Variants in DUSP5 observed in about 807,000 individuals in gnomAD.
DUSP5 encodes dual specificity protein phosphatase 5.
In DUSP5, 22 loss-of-function variants were observed where a neutral mutation model predicts 33.6. The ratio of observed to expected loss-of-function variants is 0.66; its 90% CI spans 0.47 to 0.94. The LOEUF (loss-of-function observed/expected upper bound fraction) is 0.94. DUSP5 is among the 40% of genes least tolerant of loss of function. DUSP5 has a pLI of 0.00. For missense variants in DUSP5, 551 were observed against 522.1 expected (o/e 1.06, Z -0.54); for synonymous variants, 270 against 231.1 (o/e 1.17, Z -1.53).
In DUSP5 at chr10:110,511,275, C is replaced by T. The variant is rs1860189535; in HGVS notation, c.*849C>T. 6.6e-6 allele frequency: 1 copy of T among 152,580 alleles called. No individual in the cohort carries two copies. Among genetic ancestry groups the T allele is most frequent in the Non-Finnish European group, 1.5e-5 (1 of 68,046 alleles). The allele number at this position is 152,580 out of a possible 1,614,324, so 9.5% of individuals were successfully genotyped here. ...GGTGCAAACTGGTTTCCTCAGCTGC[C>T]TGTCCTTCTGTGTGCTTATGTCTCT... On this transcript the variant is annotated 3_prime_UTR_variant, in exon 4 of 4. Coordinates refer to ENST00000369583, the MANE Select transcript of DUSP5 (RefSeq NM_004419.4).
rs530376728 is a variant in DUSP5 at position 110,511,473 on chromosome 10, G to A, written c.*1047G>A. 1 of 152,080 alleles carries A rather than the reference G, an allele frequency of 6.6e-6. No individual in the cohort carries two copies. Among genetic ancestry groups the A allele is most frequent in the Admixed American group, 6.6e-5 (1 of 15,264 alleles). The allele number at this position is 152,080 out of a possible 1,614,324, so 9.4% of individuals were successfully genotyped here. A position where few individuals can be genotyped will look rare whatever the true frequency, so the allele number is the denominator to read the frequency against. On this transcript the variant is annotated 3_prime_UTR_variant, in exon 4 of 4. Transcript: ENST00000369583. ...ACCCGTGTGAATGTGAAGAAAAGCA[G>A]TATGTTACTGGTTGTTGTTGTTGTT... is the stretch of plus-strand genomic sequence containing the variant.
chr10:110,501,887 C>G (rs1454969707), intron 1 of DUSP5, among the ~76,000 whole-genome samples: 1 of 150,890 alleles, frequency 6.6e-6, no homozygotes, highest in Non-Finnish European at 1.5e-5. Flanking sequence ...TCGTTTTTAC[C>G]TTATATCCAT....
intron 2 of DUSP5, among the ~76,000 whole-genome samples, chr10:110,506,331 C>T (rs1029863603): frequency 1.3e-5 from 2 of 152,246 alleles, no homozygotes; most frequent in African/African-American, 4.8e-5. Flanking sequence ...ACTCGGGAGA[C>T]TGAGACGGTA....
chr10:110,503,015 C>A, intron 2 of DUSP5, 146 bp downstream of exon 2: 1 of 1,072,268 alleles, frequency 9.3e-7, no homozygotes, highest in Non-Finnish European at 1.3e-6. Context: ...AATCCCCTGG[C>A]TTTAGGGAGC....
In DUSP5 at chr10:110,498,252, A is replaced by G. The variant is rs1324606432; in HGVS notation, c.131A>G (p.Asn44Ser). The G allele has an allele frequency of 4.0e-6, 6 of 1,501,760 alleles. No individual in the cohort carries two copies. The highest frequency in any genetic ancestry group is 5.3e-6 in the Non-Finnish European group (6 of 1,123,678). 93.0% of individuals were successfully genotyped at this position (1,501,760 alleles called of 1,614,324 possible). ...GCCTCGAACGTGCGCGGCTCGCTCA[A>G]CGTCAACCTCAACTCGGTGGTGCTG... ...FAASNVRGSLNVNLNSVVLRR... is the reference protein window; with the variant it reads ...FAASNVRGSLSVNLNSVVLRR... Residue 44 changes from asparagine to serine, a missense_variant, in exon 1 of 4, where the codon AAC (asparagine) becomes AGC (serine). Physicochemically the swap from Asn to Ser is conservative, Grantham distance 46. This residue lies in a region of DUSP5 where 381 missense variants were observed against 310.4 expected (regional missense o/e 1.23). Transcript: ENST00000369583.
At position 110,509,890 on chromosome 10, in the gene DUSP5, G is replaced by A. The variant is rs966160426; in HGVS notation, c.749-130G>A. 21 of 1,249,392 alleles carry A rather than the reference G, an allele frequency of 1.7e-5. No homozygotes were observed. In the Admixed American group the frequency reaches 3.3e-4, roughly 20 times the overall value. The allele number at this position is 1,249,392 out of a possible 1,614,324, so 77.4% of individuals were successfully genotyped here. ...GATTAAAGACTGGCAGAAGTGTAGT[G>A]TAGGGCCGTGGCTCTTAGGCAGGCA... is the stretch of plus-strand genomic sequence containing the variant. On this transcript the variant is annotated intron_variant, in intron 3 of 3. Coordinates refer to ENST00000369583, the MANE Select transcript of DUSP5 (RefSeq NM_004419.4).
At chr10:110,504,549 T>C (rs1860095979) in intron 2 of DUSP5, among the ~76,000 whole-genome samples, 1 of 152,216 alleles carries the variant, frequency 6.6e-6, no homozygotes, top group African/African-American at 2.4e-5. Context: ...AGGGCGAGCC[T>C]GTTAGTGTCC....
Position 110,510,043 on chromosome 10 carries a change from A to AAGGT in DUSP5, c.773_776dup (p.Leu260GlyfsTer6). On this transcript the variant is annotated frameshift_variant, in exon 4 of 4. Coordinates refer to ENST00000369583, the MANE Select transcript of DUSP5 (RefSeq NM_004419.4). LOFTEE classifies it high-confidence loss of function. ...AGACTGTGTCAGGGAAAAGGGAGGC[A>AAGGT]AGGTCCTGGTCCACTGTGAGGCTGG... 2 of 1,602,660 alleles carry AAGGT rather than the reference A, an allele frequency of 1.2e-6. No individual in the cohort carries two copies. Among genetic ancestry groups the AAGGT allele is most frequent in the South Asian group, 2.2e-5 (2 of 90,420 alleles).
In DUSP5 at chr10:110,498,951, G is replaced by A. The variant is rs115268864; in HGVS notation, c.379+451G>A. ...GTGGTGCCCCCCTTCCTCCCGCCTA[G>A]CCAGCTGTGGTCTTCACCGACCCCC... is the stretch of plus-strand genomic sequence containing the variant. On this transcript the variant is annotated intron_variant, in intron 1 of 3. Coordinates refer to ENST00000369583, the MANE Select transcript of DUSP5 (RefSeq NM_004419.4). Among the ~76,000 whole-genome samples, 975 of 152,300 alleles carry A rather than the reference G, an allele frequency of 6.4e-3. 10 individuals carry two copies. Among genetic ancestry groups the A allele is most frequent in the African/African-American group, 0.022 (928 of 41,570 alleles).
chr10:110,510,213 A>G lies in DUSP5; in HGVS notation c.942A>G (p.Glu314=), dbSNP rs1461937229. The G allele has an allele frequency of 6.2e-7, 1 of 1,614,072 alleles. No individual in the cohort carries two copies. Among genetic ancestry groups the G allele is most frequent in the Non-Finnish European group, 8.5e-7 (1 of 1,180,030 alleles). ...TCATGGGCCAGCTCCTGCAGTACGA[A>G]TCTGAGATCCTGCCCTCCACGCCCA... The part of the protein sequence containing the change: ...FGFMGQLLQY[E]SEILPSTPNP... The change falls in exon 4 of 4, where the codon GAA becomes GAG. Residue 314 remains glutamate (E), a synonymous_variant. Coordinates refer to ENST00000369583, the MANE Select transcript of DUSP5 (RefSeq NM_004419.4).
chr10:110,500,881 T>C (rs138604923), intron 1 of DUSP5, among the ~76,000 whole-genome samples: 1 of 152,338 alleles, frequency 6.6e-6, no homozygotes, highest in African/African-American at 2.4e-5. Flanking sequence ...TGTTTATCTG[T>C]CCCTCAACTA....
rs1860187494 is a variant in DUSP5, at chr10:110,511,095, T to C, written c.*669T>C. ...TGGACTTTGGCATGATTCTTAGTCA[T>C]ACTTGAACTTGTCTCATTCCACCTC... On this transcript the variant is annotated 3_prime_UTR_variant, in exon 4 of 4. Coordinates refer to ENST00000369583, the MANE Select transcript of DUSP5 (RefSeq NM_004419.4). 1 of 152,704 alleles carries C rather than the reference T, an allele frequency of 6.5e-6. No individual in the cohort carries two copies. The highest frequency in any genetic ancestry group is 6.5e-5 in the Admixed American group (1 of 15,292). The allele number at this position is 152,704 out of a possible 1,614,324, so 9.5% of individuals were successfully genotyped here.
At chr10:110,507,291 A>G (rs894935870) in intron 3 of DUSP5, 137 bp downstream of exon 3, 12 of 861,206 alleles carry the variant, frequency 1.4e-5, no homozygotes, top group Non-Finnish European at 2.1e-5. Flanking sequence ...AGTTGGAGCC[A>G]ACATGGGATG....
In DUSP5 at chr10:110,509,997, C is replaced by T. The variant is rs1359769059; in HGVS notation, c.749-23C>T. Reference sequence around the variant, plus strand: ...CTTAGATTCTAATCCCAACTCACTCCCACCATCTTTTCTTCCTTCCAGACT... The same window carrying T: ...CTTAGATTCTAATCCCAACTCACTCTCACCATCTTTTCTTCCTTCCAGACT... On this transcript the variant is annotated intron_variant, in intron 3 of 3. Coordinates refer to ENST00000369583, the MANE Select transcript of DUSP5 (RefSeq NM_004419.4). 3 of 1,559,098 alleles carry T rather than the reference C, an allele frequency of 1.9e-6. No individual in the cohort carries two copies. The Admixed American group carries it at 5.5e-5, about 29-fold the overall frequency.
chr10:110,509,994 C>T (rs372005583), intron 3 of DUSP5, 26 bp from the exon 4 acceptor site: 17 of 1,555,872 alleles, frequency 1.1e-5, no homozygotes, highest in Non-Finnish European at 1.5e-5. Flanking sequence ...TCCCAACTCA[C>T]TCCCACCATC....
intron 1 of DUSP5, among the ~76,000 whole-genome samples, chr10:110,501,165 A>G (rs1460200735): frequency 6.6e-6 from 1 of 152,184 alleles, no homozygotes; most frequent in Non-Finnish European, 1.5e-5. Flanking sequence ...TGCCTCTTCC[A>G]AGGAAGCTGT....
At position 110,502,837 on chromosome 10, in the gene DUSP5, G is replaced by A. The variant is rs1860071897; in HGVS notation, c.496G>A (p.Val166Ile). Residue 166 changes from valine (V) to isoleucine (I), a missense_variant, in exon 2 of 4, where the codon GTA (valine) becomes ATA (isoleucine). Physicochemically the swap from Val to Ile is conservative, Grantham distance 29. Transcript: ENST00000369583. ...CATCAGCCAGTGTGGAAAACCAGTG[G>A]TAAATGTCAGCTACAGGCCAGCTTA... Reference protein sequence around the residue: ...ALISQCGKPVVNVSYRPAYDQ... With the variant: ...ALISQCGKPVINVSYRPAYDQ... 3.1e-6 allele frequency: 5 copies of A among 1,614,054 alleles called. No homozygotes were observed. Among genetic ancestry groups the A allele is most frequent in the Non-Finnish European group, 3.4e-6 (4 of 1,180,044 alleles).
intron 1 of DUSP5, among the ~76,000 whole-genome samples, chr10:110,499,468 C>T (rs560523421): frequency 1.3e-5 from 2 of 152,234 alleles, no homozygotes; most frequent in South Asian, 2.1e-4. Flanking sequence ...CCAGCAGGGC[C>T]CCAAGGCCGT....
At chr10:110,506,014 T>C (rs1000402448) in intron 2 of DUSP5, among the ~76,000 whole-genome samples, 18 of 152,202 alleles carry the variant, frequency 1.2e-4, no homozygotes, top group African/African-American at 3.4e-4. Flanking sequence ...CTAAAGATTC[T>C]GAGTAGGTAG....
Sources: allele counts gnomAD v4.1 joint callset (sites outside exome capture counted in the v4.1 genomes callset), GRCh38; gene constraint gnomAD v4.1.1; regional missense constraint gnomAD v4.1.1; transcripts MANE v1.5; gene names NCBI Gene and HGNC (gene_info 2026-07-23, HGNC 2026-07-21).